Variants in CDH20 observed in about 807,000 individuals in gnomAD.
CDH20 encodes cadherin-20.
A neutral mutation model predicts 74.2 loss-of-function variants in CDH20; 29 were observed. The observed-to-expected ratio is 0.39, with a 90% CI of 0.29 to 0.53. CDH20 has a LOEUF of 0.53. Among genes scored for constraint, CDH20 ranks in the 20% least tolerant of loss-of-function variants. CDH20 has a pLI of 0.69. For synonymous variants in CDH20, 469 were observed against 405.4 expected (o/e 1.16, Z -1.88); for missense variants, 988 against 1,048.3 (o/e 0.94, Z 0.79).
intron 1 of CDH20, among the ~76,000 whole-genome samples, chr18:61,340,716 C>G (rs1478017401): frequency 6.6e-6 from 1 of 152,136 alleles, no homozygotes; most frequent in Non-Finnish European, 1.5e-5. Context: ...CGTCTTTGAA[C>G]CCCTCACCAA....
At chr18:61,350,543 T>A (rs1390379) in intron 1 of CDH20, among the ~76,000 whole-genome samples, 1 of 152,056 alleles carries the variant, frequency 6.6e-6, no homozygotes, top group East Asian at 1.9e-4. Context: ...AAGAGGAAAG[T>A]GTGCTATCTG....
At chr18:61,452,958 T>C (rs1414981331) in intron 1 of CDH20, among the ~76,000 whole-genome samples, 1 of 152,178 alleles carries the variant, frequency 6.6e-6, no homozygotes, top group Non-Finnish European at 1.5e-5. Context: ...TTTGAGGAAA[T>C]TATAAGTTCA....
intron 1 of CDH20, among the ~76,000 whole-genome samples, chr18:61,476,943 A>G (rs59427760): frequency 0.013 from 1,919 of 152,306 alleles, 44 homozygotes; most frequent in African/African-American, 0.044. Context: ...AACTGGACTG[A>G]ACTTTGTGGG....
At position 61,499,174 on chromosome 18, in the gene CDH20, T is replaced by G; in HGVS notation, c.247-12T>G. 4.6e-6 allele frequency: 7 copies of G among 1,520,234 alleles called. No individual in the cohort carries two copies. The highest frequency in any genetic ancestry group is 6.2e-6 in the Non-Finnish European group (7 of 1,132,340). The allele number at this position is 1,520,234 out of a possible 1,614,324, so 94.2% of individuals were successfully genotyped here. A position where few individuals can be genotyped will look rare whatever the true frequency, so the allele number is the denominator to read the frequency against. On this transcript the variant is annotated splice_polypyrimidine_tract_variant and intron_variant, in intron 2 of 11. Transcript: ENST00000262717. ...ACATTCATGATGAGAATTAGGTGCT[T>G]TCCTCTCCCAGCTTCATTCAGATAT...
intron 1 of CDH20, among the ~76,000 whole-genome samples, chr18:61,442,845 C>T (rs928240015): frequency 1.3e-5 from 2 of 152,054 alleles, no homozygotes; most frequent in African/African-American, 4.8e-5. Context: ...CAATGGCACA[C>T]AGATCTGGCC....
intron 6 of CDH20, among the ~76,000 whole-genome samples, 167 bp downstream of exon 6, chr18:61,507,727 G>GT (rs991903033): frequency 2.9e-4 from 44 of 150,542 alleles, no homozygotes; most frequent in Admixed American, 1.2e-3. Flanking sequence ...TAACCCTTAT[G>GT]TTTACATGAA....
intron 7 of CDH20, among the ~76,000 whole-genome samples, chr18:61,529,888 G>A (rs546596164): frequency 1.5e-4 from 23 of 152,280 alleles, no homozygotes; most frequent in African/African-American, 5.3e-4. Flanking sequence ...CAGCACATCC[G>A]TTAGCATCAG....
intron 6 of CDH20, among the ~76,000 whole-genome samples, chr18:61,514,290 A>G (rs1186419123): frequency 6.6e-6 from 1 of 152,110 alleles, no homozygotes; most frequent in Non-Finnish European, 1.5e-5. Flanking sequence ...AGTTGATCGC[A>G]TCAGCTCCTG....
chr18:61,341,877 T>C (rs975294884), intron 1 of CDH20, among the ~76,000 whole-genome samples: 3 of 152,220 alleles, frequency 2.0e-5, no homozygotes, highest in Non-Finnish European at 4.4e-5. Context: ...AGTGTTATAG[T>C]TGCGTCTACC....
chr18:61,379,792 A>G (rs1215646972), intron 1 of CDH20, among the ~76,000 whole-genome samples: 1 of 152,162 alleles, frequency 6.6e-6, no homozygotes, highest in African/African-American at 2.4e-5. Flanking sequence ...AGAGTTTCAC[A>G]TACATGAGAT....
intron 1 of CDH20, among the ~76,000 whole-genome samples, chr18:61,429,221 T>C (rs1913172915): frequency 6.6e-6 from 1 of 152,230 alleles, no homozygotes; most frequent in Admixed American, 6.5e-5. Flanking sequence ...TGTGCTGGAT[T>C]TTTAAAGTGC....
At chr18:61,549,483 A>G (rs956382021) in intron 10 of CDH20, among the ~76,000 whole-genome samples, 1 of 152,226 alleles carries the variant, frequency 6.6e-6, no homozygotes, top group Non-Finnish European at 1.5e-5. Flanking sequence ...ATAAAAGAAA[A>G]TAGTAAAAGA....
At chr18:61,546,215 A>T (rs543435600) in intron 10 of CDH20, among the ~76,000 whole-genome samples, 11 of 152,348 alleles carry the variant, frequency 7.2e-5, no homozygotes, top group African/African-American at 2.4e-4. Flanking sequence ...AAAGGGTAAC[A>T]AAAAGTCATG....
intron 9 of CDH20, among the ~76,000 whole-genome samples, chr18:61,542,519 G>C (rs1358561662): frequency 1.3e-5 from 2 of 152,190 alleles, no homozygotes; most frequent in Non-Finnish European, 2.9e-5. Context: ...GAGAGTTCCA[G>C]AACTAGAGTT....
chr18:61,541,478 A>C (rs928259760), intron 9 of CDH20, among the ~76,000 whole-genome samples: 1 of 152,148 alleles, frequency 6.6e-6, no homozygotes, highest in African/African-American at 2.4e-5. Context: ...CATTTCAACT[A>C]TCTCTCCTGT....
At chr18:61,445,801 G>A (rs777449468) in intron 1 of CDH20, among the ~76,000 whole-genome samples, 1 of 152,168 alleles carries the variant, frequency 6.6e-6, no homozygotes, top group Non-Finnish European at 1.5e-5. Context: ...GGCAGGGCTT[G>A]GGAGGGAGGG....
At chr18:61,349,937 T>G (rs1007165476) in intron 1 of CDH20, among the ~76,000 whole-genome samples, 1 of 152,214 alleles carries the variant, frequency 6.6e-6, no homozygotes, top group Non-Finnish European at 1.5e-5. Context: ...CAACAAAGCT[T>G]ATTAGCTAAT....
intron 1 of CDH20, among the ~76,000 whole-genome samples, chr18:61,478,704 T>G (rs1353811860): frequency 6.6e-6 from 1 of 152,126 alleles, no homozygotes; most frequent in Non-Finnish European, 1.5e-5. Context: ...ACCAACTTAG[T>G]GAAGAAGTCT....
intron 1 of CDH20, among the ~76,000 whole-genome samples, chr18:61,414,413 T>C (rs1912618547): frequency 6.6e-6 from 1 of 152,106 alleles, no homozygotes; most frequent in Non-Finnish European, 1.5e-5. Context: ...AGACAGTAGC[T>C]CCAAAAGAAC....
Sources: allele counts gnomAD v4.1 joint callset (sites outside exome capture counted in the v4.1 genomes callset), GRCh38; gene constraint gnomAD v4.1.1; transcripts MANE v1.5; gene names NCBI Gene and HGNC (gene_info 2026-07-23, HGNC 2026-07-21).